Variants in SEMA5A observed in about 807,000 individuals in gnomAD.
SEMA5A encodes semaphorin 5A, also known as semaphorin-5A.
A neutral mutation model predicts 135.5 loss-of-function variants in SEMA5A; 55 were observed. That is an observed-to-expected ratio of 0.41 (90% CI 0.33 to 0.51). The LOEUF (loss-of-function observed/expected upper bound fraction) is 0.51. SEMA5A is among the 20% of genes least tolerant of loss of function. SEMA5A has a pLI of 0.37. For synonymous variants in SEMA5A, 580 were observed against 546.5 expected (o/e 1.06, Z -0.85); for missense variants, 1,290 against 1,419.9 (o/e 0.91, Z 1.47).
intron 5 of SEMA5A, among the ~76,000 whole-genome samples, chr5:9,281,116 C>T (rs1451309424): frequency 6.6e-6 from 1 of 152,042 alleles, no homozygotes; most frequent in Non-Finnish European, 1.5e-5. Context: ...AATTTCATTT[C>T]TAATATTTAA....
At chr5:9,396,151 C>T (rs931674624) in intron 2 of SEMA5A, among the ~76,000 whole-genome samples, 1 of 151,912 alleles carries the variant, frequency 6.6e-6, no homozygotes, top group Non-Finnish European at 1.5e-5. Flanking sequence ...TCAGGCAGTA[C>T]TTTAATGACT....
intron 8 of SEMA5A, among the ~76,000 whole-genome samples, chr5:9,214,376 C>T (rs1746503333): frequency 6.6e-6 from 1 of 152,168 alleles, no homozygotes; most frequent in South Asian, 2.1e-4. Flanking sequence ...CCATCTAGAG[C>T]CCCTGCAGAG....
intron 1 of SEMA5A, among the ~76,000 whole-genome samples, chr5:9,456,383 G>A: frequency 6.6e-6 from 1 of 152,180 alleles, no homozygotes; most frequent in East Asian, 1.9e-4. Context: ...GAGGAAGGAG[G>A]TTAGGAAGCA....
intron 3 of SEMA5A, 84 bp downstream of exon 3, chr5:9,379,739 G>T: frequency 6.7e-7 from 1 of 1,483,570 alleles, no homozygotes; most frequent in Non-Finnish European, 9.2e-7. Context: ...TACAGCATTC[G>T]TGATGCTCTA....
rs1339751579 is a variant in SEMA5A, at chr5:9,262,956, AAAAAAT to A, written c.271-25072_271-25067del. 7.5e-5 allele frequency among the ~76,000 whole-genome samples: 11 copies of A among 146,770 alleles called. No individual in the cohort carries two copies. In the South Asian group the frequency reaches 2.3e-3, roughly 31 times the overall value. On this transcript the variant is annotated intron_variant, in intron 5 of 22. Transcript: ENST00000382496. ...TTTCTTATAAAATAAAATATTTTCG[AAAAAAT>A]AAAAATAAAAATAAAATTTTAAATA...
intron 8 of SEMA5A, among the ~76,000 whole-genome samples, chr5:9,222,146 C>T (rs957482190): frequency 1.3e-5 from 2 of 152,110 alleles, no homozygotes; most frequent in African/African-American, 4.8e-5. Flanking sequence ...GGGCATCTGG[C>T]AAAGAACAGA....
At chr5:9,476,974 C>T (rs765057246) in intron 1 of SEMA5A, among the ~76,000 whole-genome samples, 1 of 151,812 alleles carries the variant, frequency 6.6e-6, no homozygotes, top group Admixed American at 6.6e-5. Context: ...TATCCCTGCC[C>T]AAATCTCATC....
chr5:9,530,306 T>A lies in SEMA5A; in HGVS notation c.-175+15278A>T, dbSNP rs926982606. Among the ~76,000 whole-genome samples, 5 of 152,208 alleles carry A rather than the reference T, an allele frequency of 3.3e-5. No homozygotes were observed. The South Asian group carries it at 6.2e-4, about 19-fold the overall frequency. On this transcript the variant is annotated intron_variant, in intron 1 of 22. Transcript: ENST00000382496. Reference sequence around the variant, plus strand: ...TGACAGCTGAGTTCAGAGATTTCCATCTTGTATGATATTCACATTTTTATA... The same window carrying A: ...TGACAGCTGAGTTCAGAGATTTCCAACTTGTATGATATTCACATTTTTATA...
At position 9,545,654 on chromosome 5, in the gene SEMA5A, G is replaced by A. The variant is rs1329210534; in HGVS notation, c.-245C>T. The stretch of plus-strand genomic sequence containing the variant: ...AGAGCGGCTCCGAGGATCCTCTTCA[G>A]CACCTGGCTAGGGAAGTGGAGGCAG... On this transcript the variant is annotated 5_prime_UTR_variant, in exon 1 of 23. Coordinates refer to ENST00000382496, the MANE Select transcript of SEMA5A (RefSeq NM_003966.3). The surrounding 1 kb of genome is among the most constrained non-coding windows in gnomAD (Gnocchi z 4.5). The A allele has an allele frequency of 1.3e-5, 2 of 152,218 alleles. No homozygotes were observed. Among genetic ancestry groups the A allele is most frequent in the Non-Finnish European group, 2.9e-5 (2 of 68,094 alleles). 9.4% of individuals were successfully genotyped at this position (152,218 alleles called of 1,614,324 possible).
chr5:9,063,604 A>G (rs1225779180), intron 17 of SEMA5A, among the ~76,000 whole-genome samples: 2 of 152,218 alleles, frequency 1.3e-5, no homozygotes, highest in Non-Finnish European at 2.9e-5. Flanking sequence ...AAAGGGGCCA[A>G]GTCAACTGCT....
intron 1 of SEMA5A, among the ~76,000 whole-genome samples, chr5:9,541,637 A>C (rs1738097173): frequency 6.6e-6 from 1 of 152,240 alleles, no homozygotes; most frequent in Admixed American, 6.5e-5. Flanking sequence ...AAATGTAGGA[A>C]AGGGAAATAA....
At position 9,065,956 on chromosome 5, in the gene SEMA5A, G is replaced by C. The variant is rs1579329686; in HGVS notation, c.2299+465C>G. Among the ~76,000 whole-genome samples, 3 of 152,324 alleles carry C rather than the reference G, an allele frequency of 2.0e-5. No individual in the cohort carries two copies. In the South Asian group the frequency reaches 6.2e-4, roughly 32 times the overall value. ...CAAAGTTATTTCAAAGACTATTCTA[G>C]TATCCTTACACAATGTGCTTTTTAA... On this transcript the variant is annotated intron_variant, in intron 17 of 22. Transcript: ENST00000382496.
At chr5:9,093,727 G>T (rs1033700231) in intron 16 of SEMA5A, among the ~76,000 whole-genome samples, 1 of 151,512 alleles carries the variant, frequency 6.6e-6, no homozygotes, top group Non-Finnish European at 1.5e-5. Context: ...AAAAAAAACC[G>T]AATGACTGTG....
At chr5:9,535,486 C>A (rs533495821) in intron 1 of SEMA5A, among the ~76,000 whole-genome samples, 3 of 152,180 alleles carry the variant, frequency 2.0e-5, no homozygotes, top group Admixed American at 1.3e-4. Context: ...AACCCACCCA[C>A]GACCGCTACA....
At chr5:9,484,026 C>T (rs73036758) in intron 1 of SEMA5A, among the ~76,000 whole-genome samples, 3,339 of 152,196 alleles carry the variant, frequency 0.022, 131 homozygotes, top group African/African-American at 0.075. Flanking sequence ...GAATCATATT[C>T]GGGAAGGCAG....
chr5:9,343,012 C>G (rs1345739254), intron 3 of SEMA5A, among the ~76,000 whole-genome samples: 3 of 152,206 alleles, frequency 2.0e-5, no homozygotes, highest in Non-Finnish European at 4.4e-5. Flanking sequence ...GAAAGTTACT[C>G]TATTCCCATT....
intron 11 of SEMA5A, among the ~76,000 whole-genome samples, chr5:9,168,837 C>T (rs1409858046): frequency 2.6e-5 from 4 of 152,292 alleles, no homozygotes; most frequent in African/African-American, 9.6e-5. Context: ...TCCTCCAGGC[C>T]ATGTTGCTGT....
chr5:9,234,270 C>A (rs746493559), intron 6 of SEMA5A, among the ~76,000 whole-genome samples: 1 of 152,152 alleles, frequency 6.6e-6, no homozygotes, highest in Non-Finnish European at 1.5e-5. Flanking sequence ...TCCAGTTGCC[C>A]CTGTTCATAG....
Position 9,066,445 on chromosome 5 carries a change from C to T in SEMA5A, c.2275G>A (p.Gly759Ser), listed in dbSNP as rs577756646. 9.3e-6 allele frequency: 15 copies of T among 1,614,080 alleles called. No individual in the cohort carries two copies. The highest frequency in any genetic ancestry group is 1.3e-5 in the African/African-American group (1 of 74,934). ...CCATCTGTGGAGCAGCCACTGGTGC[C>T]GTCGCTAGAACAGTACCGCATTTCG... ...RIEMRYCSSD[G>S]TSGCSTDGLS... Residue 759 changes from glycine to serine, a missense_variant, in exon 17 of 23, where the codon GGC (glycine) becomes AGC (serine). Physicochemically the swap from Gly to Ser is moderately conservative, Grantham distance 56 (BLOSUM62 0). Around this residue, in one of 3 missense-constraint regions of SEMA5A, gnomAD observed 1,029 missense variants for 1,086.6 expected, o/e 0.95. Coordinates refer to ENST00000382496, the MANE Select transcript of SEMA5A (RefSeq NM_003966.3).
Sources: gnomAD v4.1 joint callset for allele counts (sites outside exome capture counted in the v4.1 genomes callset) on GRCh38, gnomAD v4.1.1 for gene constraint, gnomAD v4.1.1 regional missense constraint, Gnocchi (gnomAD v3.1) non-coding constraint, MANE v1.5 for transcripts, NCBI Gene and HGNC (gene_info 2026-07-23, HGNC 2026-07-21) for gene names.